Variants in ATP13A5 observed in about 807,000 individuals in gnomAD.
The protein encoded by ATP13A5 is probable cation-transporting ATPase 13A5.
Under a neutral mutation model 150.2 loss-of-function variants are expected in ATP13A5, and 149 were observed. The observed-to-expected ratio is 0.99, with a 90% CI of 0.87 to 1.14. The LOEUF is 1.14. Ranked by LOEUF, ATP13A5 falls within the 50% of genes most tolerant of loss-of-function variation. The pLI, the probability that ATP13A5 is intolerant of heterozygous loss-of-function variation, is 0.00. For synonymous variants in ATP13A5, 497 were observed against 522.2 expected, an observed-to-expected ratio of 0.95 and a Z score of 0.66; for missense variants, 1,383 against 1,449.3, an observed-to-expected ratio of 0.95 and a Z score of 0.74.
At chr3:193,344,592 T>C (rs1021609107) in intron 8 of ATP13A5, among the ~76,000 whole-genome samples, 7 of 152,180 alleles carry the variant, frequency 4.6e-5, no homozygotes, top group Non-Finnish European at 1.0e-4. Context: ...AATTGTGTGA[T>C]GCAGGGTCTG....
In ATP13A5 at chr3:193,363,396, T is replaced by C. The variant is rs775169069; in HGVS notation, c.238-14A>G. 2 of 1,606,606 alleles carry C rather than the reference T, an allele frequency of 1.2e-6. No homozygotes were observed. Among genetic ancestry groups the C allele is most frequent in the South Asian group, 2.2e-5 (2 of 89,860 alleles). ...TTGAAATTCGTCCTGGAAAAGACAA[T>C]CCAGTTCATGAAATTCTCAAGTGTT... is the stretch of plus-strand genomic sequence containing the variant. On this transcript the variant is annotated splice_polypyrimidine_tract_variant and intron_variant, in intron 2 of 29. Transcript: ENST00000342358.
intron 13 of ATP13A5, among the ~76,000 whole-genome samples, chr3:193,326,772 C>T (rs752170841): frequency 6.6e-6 from 1 of 152,174 alleles, no homozygotes; most frequent in Non-Finnish European, 1.5e-5. Context: ...AATTATCCAC[C>T]TCATCCTACT....
intron 25 of ATP13A5, among the ~76,000 whole-genome samples, chr3:193,291,139 G>A (rs911465086): frequency 1.3e-5 from 2 of 152,052 alleles, no homozygotes; most frequent in Admixed American, 6.6e-5. Context: ...AAACTCCTTG[G>A]TCCTTCATTT....
chr3:193,372,472 G>T (rs1238878369), intron 1 of ATP13A5, among the ~76,000 whole-genome samples: 1 of 151,952 alleles, frequency 6.6e-6, no homozygotes, highest in South Asian at 2.1e-4. Context: ...CTTACGATAT[G>T]CAGATATTCC....
intron 23 of ATP13A5, 69 bp from the exon 24 acceptor site, chr3:193,301,376 T>A: frequency 1.7e-6 from 2 of 1,144,580 alleles, no homozygotes; most frequent in Non-Finnish European, 2.6e-6. Context: ...CTTTTATACT[T>A]AAAACGAGTT....
In ATP13A5 at chr3:193,324,886, T is replaced by C. The variant is rs1027438198; in HGVS notation, c.1652A>G (p.Lys551Arg). The C allele has an allele frequency of 2.5e-6, 4 of 1,613,964 alleles. No individual in the cohort carries two copies. In the African/African-American group the frequency reaches 5.3e-5, roughly 22 times the overall value. The change falls in exon 14 of 30, where the codon AAA becomes AGA. Residue 551 changes from lysine to arginine, a missense_variant. Physicochemically the swap from Lys to Arg is conservative, Grantham distance 26. Around this residue, in one of 3 missense-constraint regions of ATP13A5, gnomAD observed 787 missense variants for 771.9 expected, o/e 1.02. Coordinates refer to ENST00000342358, the MANE Select transcript of ATP13A5 (RefSeq NM_198505.4). ...TACCCAGGCAGTGCCCTCAAACATT[T>C]TGAGGTCCAGAGGGTCTCCCTGGAT... ...GTIQGDPLDL[K>R]MFEGTAWKME...
At chr3:193,354,252 T>C in intron 5 of ATP13A5, 56 bp from the exon 6 acceptor site, 2 of 1,481,508 alleles carry the variant, frequency 1.3e-6, no homozygotes, top group South Asian at 2.4e-5. Flanking sequence ...GATAAGTGAC[T>C]ACAGGCCAAA....
chr3:193,282,683 G>C (rs1717552560), intron 27 of ATP13A5, among the ~76,000 whole-genome samples: 1 of 152,142 alleles, frequency 6.6e-6, no homozygotes, highest in African/African-American at 2.4e-5. Context: ...GGCCCAATTA[G>C]TTTCTTAAAT....
chr3:193,292,866 T>A (rs1437650250), intron 25 of ATP13A5, among the ~76,000 whole-genome samples: 4 of 152,112 alleles, frequency 2.6e-5, no homozygotes, highest in African/African-American at 7.2e-5. Context: ...TGCAGAATAT[T>A]CTGACTTTTT....
intron 5 of ATP13A5, among the ~76,000 whole-genome samples, chr3:193,358,602 A>G (rs973760095): frequency 1.1e-4 from 16 of 152,208 alleles, no homozygotes; most frequent in Non-Finnish European, 1.9e-4. Context: ...AAATGACATG[A>G]AAGTTATTTT....
Position 193,362,363 on chromosome 3 carries a change from G to T in ATP13A5, c.536+18C>A, listed in dbSNP as rs367784749. On this transcript the variant is annotated intron_variant, in intron 5 of 29. Transcript: ENST00000342358. ...TCTGCTGGCAGAGTTTACTCTTAAGGCATATAATAAGTCCTACCTGACCTC... is the reference window on the plus strand; with the variant it reads ...TCTGCTGGCAGAGTTTACTCTTAAGTCATATAATAAGTCCTACCTGACCTC... 1.9e-6 allele frequency: 3 copies of T among 1,603,126 alleles called. No homozygotes were observed. The highest frequency in any genetic ancestry group is 2.6e-6 in the Non-Finnish European group (3 of 1,170,154).
At position 193,321,727 on chromosome 3, in the gene ATP13A5, C is replaced by T; in HGVS notation, c.1869G>A (p.Met623Ile). 1 of 1,614,192 alleles carries T rather than the reference C, an allele frequency of 6.2e-7. No homozygotes were observed. The highest frequency in any genetic ancestry group is 8.5e-7 in the Non-Finnish European group (1 of 1,180,014). ...LAGENHFHVY[M>I]KGAPEMVARF... is the part of the protein sequence containing the mutation. ...TGGCCACCATTTCTGGGGCACCTTTCATGTAGACATGGAAATGATTCTCCC... is the reference window on the plus strand; with the variant it reads ...TGGCCACCATTTCTGGGGCACCTTTTATGTAGACATGGAAATGATTCTCCC... Residue 623 changes from methionine to isoleucine, a missense_variant, in exon 16 of 30, where the codon ATG becomes ATA. Transcript: ENST00000342358.
At chr3:193,306,433 A>C (rs1718621954) in intron 22 of ATP13A5, among the ~76,000 whole-genome samples, 2 of 152,194 alleles carry the variant, frequency 1.3e-5, no homozygotes, top group Admixed American at 6.5e-5. Context: ...TAGATTTGAA[A>C]GAACAGACTA....
chr3:193,310,823 A>T (rs2108850948), intron 20 of ATP13A5, 106 bp from the exon 21 acceptor site: 1 of 717,254 alleles, frequency 1.4e-6, no homozygotes, highest in Admixed American at 2.9e-5. Context: ...TTAATACAGC[A>T]TTGGATGGTA....
chr3:193,303,781 GTA>G (rs1718499952), intron 23 of ATP13A5, among the ~76,000 whole-genome samples: 1 of 150,700 alleles, frequency 6.6e-6, no homozygotes, highest in Non-Finnish European at 1.5e-5. Flanking sequence ...CACTTCATTT[GTA>G]TGTGTGTGTG....
intron 1 of ATP13A5, among the ~76,000 whole-genome samples, chr3:193,367,495 C>G (rs1577375200): frequency 1.3e-5 from 2 of 152,042 alleles, no homozygotes; most frequent in Non-Finnish European, 2.9e-5. Context: ...AGCCAGCATA[C>G]TCAGACACCA....
At position 193,311,923 on chromosome 3, in the gene ATP13A5, C is replaced by CA. The variant is rs761132312; in HGVS notation, c.2337dup (p.Gly780TrpfsTer57). 1.2e-5 allele frequency: 20 copies of CA among 1,613,658 alleles called. No homozygotes were observed. The highest frequency in any genetic ancestry group is 1.7e-5 in the Non-Finnish European group (20 of 1,179,818). On this transcript the variant is annotated frameshift_variant, in exon 20 of 30. Coordinates refer to ENST00000342358, the MANE Select transcript of ATP13A5 (RefSeq NM_198505.4). LOFTEE classifies it high-confidence loss of function. ...TCCCCACGAGGGGTTGAACTGTTTC[C>CA]AGTATGCATGTAGATTTCCTAAAAT...
intron 1 of ATP13A5, among the ~76,000 whole-genome samples, chr3:193,365,539 TTTTA>T (rs1469214405): frequency 3.3e-5 from 5 of 152,156 alleles, no homozygotes; most frequent in Non-Finnish European, 7.4e-5. Flanking sequence ...CCTGCTTTAG[TTTTA>T]TTTGTGAATT....
intron 25 of ATP13A5, among the ~76,000 whole-genome samples, chr3:193,295,872 A>T (rs1030550872): frequency 6.6e-6 from 1 of 152,154 alleles, no homozygotes; most frequent in East Asian, 1.9e-4. Flanking sequence ...GTTAGGAGCA[A>T]TGTAAACTGG....
Sources: gnomAD v4.1 joint callset for allele counts (sites outside exome capture counted in the v4.1 genomes callset) on GRCh38, gnomAD v4.1.1 for gene constraint, gnomAD v4.1.1 regional missense constraint, MANE v1.5 for transcripts, NCBI Gene and HGNC (gene_info 2026-07-23, HGNC 2026-07-21) for gene names.